CFAP46: variants seen among roughly 807,000 people sequenced by gnomAD.
CFAP46 encodes the protein cilia- and flagella-associated protein 46.
CFAP46 carries 245 observed loss-of-function variants against 325.7 expected under a neutral mutation model. The observed-to-expected ratio is 0.75, with a 90% CI of 0.68 to 0.84. CFAP46 has a LOEUF of 0.84. CFAP46 is among the 40% of genes least tolerant of loss of function. CFAP46 has a pLI of 0.00. For missense variants in CFAP46, 3,346 were observed against 3,543.0 expected (o/e 0.94, Z 1.41); for synonymous variants, 1,523 against 1,495.9 (o/e 1.02, Z -0.42).
intron 39 of CFAP46, among the ~76,000 whole-genome samples, chr10:132,851,559 C>A (rs1848545989): frequency 6.6e-6 from 1 of 152,230 alleles, no homozygotes; most frequent in African/African-American, 2.4e-5. Flanking sequence ...TAGCTGCCTG[C>A]CGGCACCCTG....
chr10:132,833,211 A>C, intron 50 of CFAP46, 147 bp downstream of exon 50: 1 of 830,152 alleles, frequency 1.2e-6, no homozygotes, highest in African/African-American at 1.7e-5. Flanking sequence ...TATCCTACAA[A>C]TATCTTTGAA....
intron 17 of CFAP46, among the ~76,000 whole-genome samples, chr10:132,915,892 C>T (rs1849630826): frequency 6.6e-6 from 1 of 152,140 alleles, no homozygotes; most frequent in African/African-American, 2.4e-5. Flanking sequence ...CGTCACTATG[C>T]ACCCCAAAAA....
At chr10:132,850,476 C>T in intron 40 of CFAP46, 44 bp from the exon 41 acceptor site, 1 of 1,492,454 alleles carries the variant, frequency 6.7e-7, no homozygotes, top group Non-Finnish European at 9.0e-7. Context: ...CCAAGGGCAA[C>T]CGCCCACCCT....
intron 22 of CFAP46, among the ~76,000 whole-genome samples, chr10:132,903,606 A>G (rs1849419032): frequency 6.6e-6 from 1 of 152,270 alleles, no homozygotes; most frequent in African/African-American, 2.4e-5. Flanking sequence ...CTGCTGTCCA[A>G]CAGCTAAAAA....
At chr10:132,857,429 A>G (rs1428592041) in intron 39 of CFAP46, among the ~76,000 whole-genome samples, 161 bp downstream of exon 39, 1 of 152,048 alleles carries the variant, frequency 6.6e-6, no homozygotes, top group Non-Finnish European at 1.5e-5. Context: ...TGTTTCATAC[A>G]CTGTTTGTTT....
At chr10:132,898,905 A>ACCT in intron 24 of CFAP46, 54 bp downstream of exon 24, 1 of 1,538,468 alleles carries the variant, frequency 6.5e-7, no homozygotes, top group Non-Finnish European at 8.8e-7. Context: ...CCTTTCTGGA[A>ACCT]GACCCACTAG....
At chr10:132,820,761 T>C (rs1357337893) in intron 50 of CFAP46, among the ~76,000 whole-genome samples, 4 of 133,284 alleles carry the variant, frequency 3.0e-5, no homozygotes, top group East Asian at 2.4e-4. Context: ...TGTGCTGATG[T>C]GTGCTGTGTG....
At position 132,872,723 on chromosome 10, in the gene CFAP46, C is replaced by G; in HGVS notation, c.4464G>C (p.Ser1488=). The G allele has an allele frequency of 2.6e-6, 4 of 1,550,732 alleles. No individual in the cohort carries two copies. Among genetic ancestry groups the G allele is most frequent in the Admixed American group, 3.9e-5 (2 of 51,012 alleles). ...VPVLQLGVLI[S]DSVVGSKGLS... is the part of the protein sequence containing the mutation. Reference sequence around the variant, plus strand: ...GGCCCTTGCTTCCCACCACGGAGTCCGAAATCAGCACCCCCAACTGCAGGA... The same window carrying G: ...GGCCCTTGCTTCCCACCACGGAGTCGGAAATCAGCACCCCCAACTGCAGGA... The change falls in exon 32 of 58, where the codon TCG becomes TCC. Residue 1488 remains serine (S), a synonymous_variant. Coordinates refer to ENST00000368586, the MANE Select transcript of CFAP46 (RefSeq NM_001200049.3).
In CFAP46 at chr10:132,808,697, C is replaced by G. The variant is rs756511609; in HGVS notation, c.7872G>C (p.Pro2624=). The part of the protein sequence containing the change: ...SAPLPTHPHL[P]APIPSSQLAL... ...CGAGCTGGGAGCTGGGGATGGGAGC[C>G]GGGAGGTGGGGATGGGTTGGCAGAG... The change falls in exon 58 of 58, where the codon CCG becomes CCC. Residue 2624 remains proline, a synonymous_variant. Transcript: ENST00000368586. This position sits in a 1 kb window ranked among gnomAD's most constrained non-coding sequence, Gnocchi z 6.8. 10 of 1,570,210 alleles carry G rather than the reference C, an allele frequency of 6.4e-6. No individual in the cohort carries two copies. The Admixed American group carries it at 1.9e-4, about 30-fold the overall frequency.
intron 9 of CFAP46, 115 bp downstream of exon 9, chr10:132,929,590 A>G (rs755073751): frequency 4.1e-6 from 4 of 972,860 alleles, no homozygotes; most frequent in Non-Finnish European, 6.7e-6. Flanking sequence ...CCAACCACGG[A>G]CCGAAGCCCT....
chr10:132,931,900 A>C (rs1347440004), intron 8 of CFAP46, among the ~76,000 whole-genome samples: 1 of 123,484 alleles, frequency 8.1e-6, no homozygotes, highest in African/African-American at 3.2e-5. Flanking sequence ...CCCCACATAG[A>C]GCCTGGGCTT....
At chr10:132,937,411 C>T (rs988174313) in intron 6 of CFAP46, 141 bp downstream of exon 6, 8 of 913,528 alleles carry the variant, frequency 8.8e-6, no homozygotes, top group Non-Finnish European at 1.3e-5. Flanking sequence ...TTTTAATATG[C>T]TTATGTAATT....
chr10:132,821,174 GATGTGTGCT>G (rs1847807782), intron 50 of CFAP46, among the ~76,000 whole-genome samples: 1 of 140,354 alleles, frequency 7.1e-6, no homozygotes, highest in Admixed American at 7.0e-5. Context: ...TCTGTGCGCT[GATGTGTGCT>G]GTGTGTGCTG....
chr10:132,890,607 T>C (rs1042175461), intron 25 of CFAP46, among the ~76,000 whole-genome samples: 3 of 152,112 alleles, frequency 2.0e-5, no homozygotes, highest in African/African-American at 7.2e-5. Context: ...TCTTCCACAC[T>C]TCCGTCCTCT....
chr10:132,830,914 C>G (rs543107994), intron 50 of CFAP46, among the ~76,000 whole-genome samples: 1 of 152,158 alleles, frequency 6.6e-6, no homozygotes, highest in African/African-American at 2.4e-5. Flanking sequence ...AACATACATG[C>G]TTAGTTCCAT....
intron 6 of CFAP46, 165 bp downstream of exon 6, chr10:132,937,387 G>A (rs1470377425): frequency 1.3e-6 from 1 of 764,902 alleles, no homozygotes; most frequent in Non-Finnish European, 2.1e-6. Flanking sequence ...TGCATTGGAT[G>A]AACTGCTATT....
chr10:132,850,143 C>A, intron 41 of CFAP46, 101 bp downstream of exon 41: 1 of 1,171,286 alleles, frequency 8.5e-7, no homozygotes, highest in Admixed American at 2.3e-5. Context: ...TTCCTGGGGC[C>A]ACTGCTGCAA....
At chr10:132,862,604 G>A (rs76756117) in intron 35 of CFAP46, among the ~76,000 whole-genome samples, 7,322 of 152,046 alleles carry the variant, frequency 0.048, 260 homozygotes, top group Non-Finnish European at 0.068. Context: ...GCGGGGGTCT[G>A]AGTGCTGAGT....
chr10:132,906,190 G>C (rs7079166), intron 22 of CFAP46, among the ~76,000 whole-genome samples: 1 of 152,068 alleles, frequency 6.6e-6, no homozygotes, highest in Non-Finnish European at 1.5e-5. Flanking sequence ...TTGTGAACGT[G>C]GGGCACCACG....
Sources: gnomAD v4.1 joint callset for allele counts (sites outside exome capture counted in the v4.1 genomes callset) on GRCh38, gnomAD v4.1.1 for gene constraint, Gnocchi (gnomAD v3.1) non-coding constraint, MANE v1.5 for transcripts, NCBI Gene and HGNC (gene_info 2026-07-23, HGNC 2026-07-21) for gene names.